RAB19: variants seen among roughly 807,000 people sequenced by gnomAD.
RAB19 encodes RAB19, member RAS oncogene family.
Under a neutral mutation model 17.3 loss-of-function variants are expected in RAB19, and 21 were observed. The ratio of observed to expected loss-of-function variants is 1.21; its 90% CI spans 0.86 to 1.74. The LOEUF is 1.74. Ranked by LOEUF, RAB19 falls within the 40% of genes most tolerant of loss-of-function variation. The pLI, the probability that RAB19 is intolerant of heterozygous loss-of-function variation, is 0.00. For missense variants in RAB19, 277 were observed against 286.8 expected (o/e 0.97, Z 0.25); for synonymous variants, 126 against 110.4 (o/e 1.14, Z -0.88).
In RAB19 at chr7:140,408,006, T is replaced by C. The variant is rs184169002; in HGVS notation, c.201+159T>C. ...CAGCCTCCAGCCTCAGCCTCCCAAG[T>C]AACAGGAACTACAGGCGCCCGCCAC... On this transcript the variant is annotated intron_variant, in intron 2 of 3. Transcript: ENST00000537763. Among the ~76,000 whole-genome samples the C allele has an allele frequency of 5.7e-3, 838 of 146,220 alleles. 22 individuals carry two copies. Among genetic ancestry groups the C allele is most frequent in the Admixed American group, 0.052 (736 of 14,142 alleles).
At chr7:140,407,602 G>A in intron 1 of RAB19, 22 bp from the exon 2 acceptor site, 1 of 1,591,730 alleles carries the variant, frequency 6.3e-7, no homozygotes, top group African/African-American at 1.3e-5. Context: ...TCCTGGTGCT[G>A]AATTCCATCC....
chr7:140,414,733 C>G (rs1799424649), intron 3 of RAB19, among the ~76,000 whole-genome samples: 1 of 152,168 alleles, frequency 6.6e-6, no homozygotes, highest in Admixed American at 6.5e-5. Flanking sequence ...TCCCGGCACA[C>G]ATTGCCTCAT....
At position 140,407,604 on chromosome 7, in the gene RAB19, A is replaced by T; in HGVS notation, c.-23-20A>T. ...CTGGATCCCCAGTTCCTGGTGCTGAATTCCATCCTTTCTTCCTAGTTCTGT... is the reference window on the plus strand; with the variant it reads ...CTGGATCCCCAGTTCCTGGTGCTGATTTCCATCCTTTCTTCCTAGTTCTGT... On this transcript the variant is annotated intron_variant, in intron 1 of 3. Coordinates refer to ENST00000537763, the MANE Select transcript of RAB19 (RefSeq NM_001008749.3). The T allele has an allele frequency of 6.3e-7, 1 of 1,596,658 alleles. No homozygotes were observed. Among genetic ancestry groups the T allele is most frequent in the Non-Finnish European group, 8.6e-7 (1 of 1,164,476 alleles).
At position 140,411,922 on chromosome 7, in the gene RAB19, C is replaced by T. The variant is rs200166138; in HGVS notation, c.250C>T (p.Gln84Ter). Residue 84 changes from glutamine to a stop codon, truncating the protein, a stop_gained, in exon 3 of 4, where the codon CAA becomes TAA. Transcript: ENST00000537763. LOFTEE classifies it high-confidence loss of function. ...AGQERFRTIT[Q>*]SYYRSAHAAI... ...CCAGGAGCGCTTCCGCACCATCACC[C>T]AAAGCTACTACCGCAGTGCCCACGC... 4.2e-5 allele frequency: 68 copies of T among 1,614,080 alleles called. No homozygotes were observed. The highest frequency in any genetic ancestry group is 5.5e-5 in the Non-Finnish European group (65 of 1,180,050).
intron 3 of RAB19, among the ~76,000 whole-genome samples, chr7:140,425,031 A>G (rs1000423119): frequency 6.6e-6 from 1 of 152,126 alleles, no homozygotes; most frequent in Non-Finnish European, 1.5e-5. Context: ...CATGCTTACA[A>G]TCCCAGCACT....
Position 140,425,998 on chromosome 7 carries a change from A to T in RAB19, c.502A>T (p.Ile168Leu). ...LETSAKESKN[I>L]EEVFVLMAKE... ...GACATCTGCCAAGGAGTCAAAGAAC[A>T]TAGAAGAAGTCTTCGTGCTCATGGC... Residue 168 changes from isoleucine (I) to leucine (L), a missense_variant, in exon 4 of 4, where the codon ATA becomes TTA. By Grantham distance (5) the Ile-to-Leu change is conservative. Coordinates refer to ENST00000537763, the MANE Select transcript of RAB19 (RefSeq NM_001008749.3). 6.2e-7 allele frequency: 1 copy of T among 1,614,178 alleles called. No homozygotes were observed. Among genetic ancestry groups the T allele is most frequent in the Non-Finnish European group, 8.5e-7 (1 of 1,180,038 alleles).
In RAB19 at chr7:140,426,068, G is replaced by T. The variant is rs1315888324; in HGVS notation, c.572G>T (p.Ser191Ile). Residue 191 changes from serine (S) to isoleucine (I), a missense_variant, in exon 4 of 4, where the codon AGT (serine) becomes ATT (isoleucine). Coordinates refer to ENST00000537763, the MANE Select transcript of RAB19 (RefSeq NM_001008749.3). ...ARNSLHLYGE[S>I]ALNGLPLDSS... ...AACAGCCTGCACCTATATGGGGAGA[G>T]TGCCCTGAACGGCCTCCCCCTGGAC... The T allele has an allele frequency of 6.2e-7, 1 of 1,614,160 alleles. No homozygotes were observed. Among genetic ancestry groups the T allele is most frequent in the Non-Finnish European group, 8.5e-7 (1 of 1,180,032 alleles).
In RAB19 at chr7:140,407,712, C is replaced by T. The variant is rs1563068451; in HGVS notation, c.66C>T (p.Leu22=). Residue 22 remains leucine (L), a synonymous_variant, in exon 2 of 4, where the codon CTC becomes CTT. Coordinates refer to ENST00000537763, the MANE Select transcript of RAB19 (RefSeq NM_001008749.3). ...ENFDYLFKII[L]IGDSNVGKTC... is the part of the protein sequence containing the mutation. ...TTGACTATTTGTTCAAGATTATCCT[C>T]ATTGGGGATTCCAATGTGGGGAAGA... 1 of 1,614,078 alleles carries T rather than the reference C, an allele frequency of 6.2e-7. No homozygotes were observed. Among genetic ancestry groups the T allele is most frequent in the Non-Finnish European group, 8.5e-7 (1 of 1,180,018 alleles).
At chr7:140,418,424 T>C in intron 3 of RAB19, among the ~76,000 whole-genome samples, 1 of 126,778 alleles carries the variant, frequency 7.9e-6, no homozygotes, top group African/African-American at 3.1e-5. Context: ...AAAAAAAAAT[T>C]AGCCGGGCGT....
chr7:140,408,596 A>G (rs1259023502), intron 2 of RAB19, among the ~76,000 whole-genome samples: 1 of 151,506 alleles, frequency 6.6e-6, no homozygotes, highest in Non-Finnish European at 1.5e-5. Context: ...ATGCCTCAGC[A>G]TTCCAAGTAG....
At chr7:140,404,628 A>T (rs1799202803) in intron 1 of RAB19, among the ~76,000 whole-genome samples, 1 of 78,958 alleles carries the variant, frequency 1.3e-5, no homozygotes, top group Non-Finnish European at 3.0e-5. Flanking sequence ...GATGAGACAG[A>T]GTGTCCTTGT....
chr7:140,406,751 C>T (rs529822543), intron 1 of RAB19, among the ~76,000 whole-genome samples: 1 of 152,098 alleles, frequency 6.6e-6, no homozygotes, highest in South Asian at 2.1e-4. Flanking sequence ...TCTCAAAATC[C>T]TAATTTCCTG....
chr7:140,425,060 C>T (rs1456127023), intron 3 of RAB19, among the ~76,000 whole-genome samples: 1 of 152,020 alleles, frequency 6.6e-6, no homozygotes, highest in Non-Finnish European at 1.5e-5. Context: ...CCAAGGTGGG[C>T]AGATCACTGG....
rs1799346569 is a variant in RAB19, at chr7:140,410,854, AC to A, written c.202-1017del. On this transcript the variant is annotated intron_variant, in intron 2 of 3. Coordinates refer to ENST00000537763, the MANE Select transcript of RAB19 (RefSeq NM_001008749.3). ...AGTATGAGAATATGAAGAAATTGCT[AC>A]CCTCAGACACTGTGAGAGGCTGTGT... is the stretch of plus-strand genomic sequence containing the variant. 7.4e-6 allele frequency: 8 copies of A among 1,086,278 alleles called. No individual in the cohort carries two copies. In the South Asian group the frequency reaches 9.7e-5, roughly 13 times the overall value. 67.3% of individuals were successfully genotyped at this position (1,086,278 alleles called of 1,614,324 possible).
chr7:140,424,586 CCTCTCTCTCTCTCT>C (rs376517516), intron 3 of RAB19, among the ~76,000 whole-genome samples: 64 of 127,612 alleles, frequency 5.0e-4, no homozygotes, highest in Admixed American at 9.2e-4. Flanking sequence ...TGGACCTCTC[CCTCTCTCTCTCTCT>C]CTCTCTCTCT....
chr7:140,407,338 C>T (rs1304931131), intron 1 of RAB19, among the ~76,000 whole-genome samples: 3 of 152,176 alleles, frequency 2.0e-5, no homozygotes, highest in Non-Finnish European at 4.4e-5. Flanking sequence ...GGCACCTCGT[C>T]TCCAGGCCTA....
At chr7:140,410,977 G>A (rs1799348693) in intron 2 of RAB19, 2 of 1,367,728 alleles carry the variant, frequency 1.5e-6, no homozygotes, top group African/African-American at 1.5e-5. Context: ...AATCAGAACA[G>A]TTCGGCCAGT....
intron 3 of RAB19, among the ~76,000 whole-genome samples, chr7:140,412,701 G>A (rs576494286): frequency 6.6e-6 from 1 of 151,276 alleles, no homozygotes; most frequent in South Asian, 2.1e-4. Flanking sequence ...CTACTGCAGA[G>A]TGAACAGGTG....
intron 1 of RAB19, among the ~76,000 whole-genome samples, chr7:140,406,255 A>AG (rs1478722420): frequency 6.6e-6 from 1 of 151,200 alleles, no homozygotes; most frequent in African/African-American, 2.4e-5. Flanking sequence ...TCTCAAAAAA[A>AG]AAAAAAAAAA....
Sources: allele counts gnomAD v4.1 joint callset (sites outside exome capture counted in the v4.1 genomes callset), GRCh38; gene constraint gnomAD v4.1.1; transcripts MANE v1.5; gene names NCBI Gene and HGNC (gene_info 2026-07-23, HGNC 2026-07-21).